PKHD1: variants seen among roughly 807,000 people sequenced by gnomAD.
PKHD1 encodes PKHD1 ciliary IPT domain containing fibrocystin/polyductin, also known as fibrocystin.
In PKHD1, 291 loss-of-function variants were observed where a neutral mutation model predicts 412.0. The observed-to-expected ratio is 0.71, with a 90% CI of 0.64 to 0.78. The LOEUF (loss-of-function observed/expected upper bound fraction) is 0.78. PKHD1 is among the 30% of genes least tolerant of loss of function. The pLI, the probability that PKHD1 is intolerant of heterozygous loss-of-function variation, is 0.00. For missense variants in PKHD1, 4,825 were observed against 4,950.7 expected (o/e 0.97, Z 0.76); for synonymous variants, 1,777 against 1,821.5 (o/e 0.98, Z 0.62).
intron 36 of PKHD1, among the ~76,000 whole-genome samples, chr6:51,951,940 A>G (rs556943261): frequency 1.3e-5 from 2 of 152,338 alleles, no homozygotes; most frequent in African/African-American, 4.8e-5. Flanking sequence ...TGAAACATTT[A>G]TCTTTCATTA....
chr6:51,758,021 AG>A (rs1425693837), intron 55 of PKHD1, among the ~76,000 whole-genome samples: 1 of 54,412 alleles, frequency 1.8e-5, no homozygotes, highest in Non-Finnish European at 4.6e-5. Context: ...CAAAAGAGAG[AG>A]AGAGAGAGAG....
At chr6:51,903,571 C>G (rs767817459) in intron 43 of PKHD1, 26 bp downstream of exon 43, 2 of 1,604,184 alleles carry the variant, frequency 1.2e-6, no homozygotes, top group South Asian at 2.2e-5. Flanking sequence ...CAGTTCTGGT[C>G]TTCCTGGTAG....
rs71544105 is a variant in PKHD1 at position 51,880,779 on chromosome 6, TAAAAAAAAAAAA to T, written c.7350+2302_7350+2313del. 2.0e-3 allele frequency among the ~76,000 whole-genome samples: 61 copies of T among 30,042 alleles called. 4 individuals carry two copies. The highest frequency in any genetic ancestry group is 2.7e-3 in the Non-Finnish European group (58 of 21,188). The allele number at this position is 30,042 out of a possible 152,430, so 19.7% of individuals were successfully genotyped here. On this transcript the variant is annotated intron_variant, in intron 46 of 66. Transcript: ENST00000371117. ...CTTAGAGTATAATAAAAAAAAAAAT[TAAAAAAAAAAAA>T]AAAAAAAAAAAAAAAACACAAAAAA...
intron 36 of PKHD1, among the ~76,000 whole-genome samples, chr6:51,940,994 C>G (rs1418042471): frequency 2.6e-5 from 4 of 151,386 alleles, no homozygotes; most frequent in Admixed American, 6.6e-5. Flanking sequence ...TAGATTACAG[C>G]CACACCTCAC....
At chr6:51,899,620 CCT>C (rs2127602831) in intron 43 of PKHD1, among the ~76,000 whole-genome samples, 1 of 150,860 alleles carries the variant, frequency 6.6e-6, no homozygotes, top group African/African-American at 2.4e-5. Flanking sequence ...ACAGGGATGC[CCT>C]CTCTCACCAC....
At chr6:51,786,666 T>C (rs1792903747) in intron 53 of PKHD1, among the ~76,000 whole-genome samples, 1 of 152,182 alleles carries the variant, frequency 6.6e-6, no homozygotes, top group Admixed American at 6.5e-5. Context: ...CCTTTATCTT[T>C]AAGCTCCCTC....
chr6:51,901,789 C>G (rs969866445), intron 43 of PKHD1, among the ~76,000 whole-genome samples: 2 of 151,384 alleles, frequency 1.3e-5, no homozygotes, highest in Non-Finnish European at 2.9e-5. Context: ...ACTCCATTCT[C>G]AAAACATATG....
intron 35 of PKHD1, among the ~76,000 whole-genome samples, chr6:52,001,056 A>C (rs1226419941): frequency 6.6e-6 from 1 of 152,192 alleles, no homozygotes; most frequent in African/African-American, 2.4e-5. Flanking sequence ...TCATTTTTAT[A>C]ATATCATATT....
intron 26 of PKHD1, 86 bp downstream of exon 26, chr6:52,043,539 C>T: frequency 1.1e-6 from 1 of 905,262 alleles, no homozygotes; most frequent in South Asian, 1.3e-5. Context: ...ATCTTCTACC[C>T]ACCCATCACC....
chr6:52,058,195 A>G (rs774790131), intron 16 of PKHD1, 128 bp downstream of exon 16: 4 of 819,412 alleles, frequency 4.9e-6, no homozygotes, highest in Non-Finnish European at 8.5e-6. Context: ...TTAAAGAGAT[A>G]TCCTATTTCT....
At chr6:51,819,207 G>A (rs1023379502) in intron 52 of PKHD1, among the ~76,000 whole-genome samples, 9 of 152,056 alleles carry the variant, frequency 5.9e-5, no homozygotes, top group African/African-American at 1.7e-4. Context: ...ACATGCTGGA[G>A]AACAGCTGGT....
At chr6:51,632,748 T>C in intron 64 of PKHD1, 25 bp from the exon 65 acceptor site, 1 of 1,591,528 alleles carries the variant, frequency 6.3e-7, no homozygotes. Flanking sequence ...AGAAGATGTT[T>C]CAATGATATG....
At chr6:52,074,425 G>A (rs537904316) in intron 6 of PKHD1, among the ~76,000 whole-genome samples, 38 of 152,290 alleles carry the variant, frequency 2.5e-4, no homozygotes, top group Admixed American at 3.9e-4. Flanking sequence ...AGAGTTGGCA[G>A]AAATCCAGAG....
intron 60 of PKHD1, among the ~76,000 whole-genome samples, chr6:51,666,678 A>G (rs956139910): frequency 1.4e-5 from 2 of 142,914 alleles, no homozygotes; most frequent in East Asian, 2.3e-4. Context: ...ATATCTCCCA[A>G]TGCTATCCCT....
At chr6:51,713,850 GT>G (rs1780929643) in intron 60 of PKHD1, among the ~76,000 whole-genome samples, 1 of 152,172 alleles carries the variant, frequency 6.6e-6, no homozygotes, top group South Asian at 2.1e-4. Context: ...CTGGTCTACA[GT>G]TGGCCAGGTA....
intron 53 of PKHD1, among the ~76,000 whole-genome samples, chr6:51,787,912 A>G (rs952918933): frequency 6.6e-6 from 1 of 152,228 alleles, no homozygotes; most frequent in Non-Finnish European, 1.5e-5. Flanking sequence ...TTTTGTAGTA[A>G]CAAGAACAGG....
chr6:51,627,060 G>A lies in PKHD1; in HGVS notation c.11722C>T (p.His3908Tyr). The A allele has an allele frequency of 3.1e-6, 5 of 1,610,074 alleles. No homozygotes were observed. The highest frequency in any genetic ancestry group is 4.2e-6 in the Non-Finnish European group (5 of 1,176,534). ...SQTNNQNIHI[H>Y]ISSKRRESQG... is the part of the protein sequence containing the mutation. ...GATTCTCGGCGTTTGGATGAGATGTGGATATGAATATTTTGATTATTAGTC... is the reference window on the plus strand; with the variant it reads ...GATTCTCGGCGTTTGGATGAGATGTAGATATGAATATTTTGATTATTAGTC... The change falls in exon 66 of 67, where the codon CAC becomes TAC. Residue 3908 changes from histidine to tyrosine, a missense_variant. By Grantham distance (83) the His-to-Tyr change is moderately conservative (BLOSUM62 2). Transcript: ENST00000371117.
At chr6:51,854,767 C>T (rs6918147) in intron 49 of PKHD1, among the ~76,000 whole-genome samples, 61,227 of 152,064 alleles carry the variant, frequency 0.4, 13,521 homozygotes, top group East Asian at 0.85. Flanking sequence ...ACAAAGCCAT[C>T]CAGCCTCCCT....
Position 52,046,134 on chromosome 6 carries a change from G to C in PKHD1, c.2462C>G (p.Ala821Gly). The C allele has an allele frequency of 6.2e-7, 1 of 1,613,474 alleles. No individual in the cohort carries two copies. Among genetic ancestry groups the C allele is most frequent in the Non-Finnish European group, 8.5e-7 (1 of 1,179,438 alleles). Residue 821 changes from alanine (A) to glycine (G), a missense_variant, in exon 24 of 67, where the codon GCC becomes GGC. Transcript: ENST00000371117. The stretch of plus-strand genomic sequence containing the variant: ...GAGGTACCTGGATGTGAAGTCATCG[G>C]CATTATTCTGTAAGAGCTGGTGAAG... The part of the protein sequence containing the change: ...HHLHQLLQNN[A>G]DDFTSRYLNA...
Sources: gnomAD v4.1 joint callset for allele counts (sites outside exome capture counted in the v4.1 genomes callset) on GRCh38, gnomAD v4.1.1 for gene constraint, MANE v1.5 for transcripts, NCBI Gene and HGNC (gene_info 2026-07-23, HGNC 2026-07-21) for gene names.